Variants in RAF1 observed in about 807,000 individuals in gnomAD.
The protein encoded by RAF1 is Raf-1 proto-oncogene, serine/threonine kinase, also known as RAF proto-oncogene serine/threonine-protein kinase.
A neutral mutation model predicts 81.1 loss-of-function variants in RAF1; 27 were observed. The ratio of observed to expected loss-of-function variants is 0.33; its 90% CI spans 0.25 to 0.46. The LOEUF (loss-of-function observed/expected upper bound fraction) is 0.46, where lower values mean the gene tolerates loss of function less well. Among genes scored for constraint, RAF1 ranks in the 20% least tolerant of loss-of-function variants. RAF1 has a pLI of 1.00. For missense variants in RAF1, 598 were observed against 826.0 expected (o/e 0.72, Z 3.38); for synonymous variants, 298 against 294.0 (o/e 1.01, Z -0.14).
chr3:12,656,827 T>C (rs1011649876), intron 1 of RAF1, among the ~76,000 whole-genome samples: 3 of 152,032 alleles, frequency 2.0e-5, no homozygotes, highest in South Asian at 4.2e-4. Context: ...TGAAACCCCA[T>C]CTCTACTAAA....
intron 1 of RAF1, among the ~76,000 whole-genome samples, chr3:12,648,336 A>T (rs2060417807): frequency 6.6e-6 from 1 of 152,150 alleles, no homozygotes; most frequent in South Asian, 2.1e-4. Flanking sequence ...GAAGGGGGAA[A>T]AAAATCACCT....
At chr3:12,617,532 T>TA (rs1414935984) in intron 2 of RAF1, among the ~76,000 whole-genome samples, 1 of 152,118 alleles carries the variant, frequency 6.6e-6, no homozygotes, top group African/African-American at 2.4e-5. Flanking sequence ...GGATTACAGG[T>TA]ATAAATCACC....
At chr3:12,604,868 A>G (rs1440997489) in intron 6 of RAF1, among the ~76,000 whole-genome samples, 1 of 152,134 alleles carries the variant, frequency 6.6e-6, no homozygotes, top group East Asian at 1.9e-4. Context: ...ACCCCCACCA[A>G]CCAAACTGGG....
intron 5 of RAF1, among the ~76,000 whole-genome samples, chr3:12,606,891 A>C (rs769012105): frequency 2.0e-5 from 3 of 151,730 alleles, no homozygotes; most frequent in Non-Finnish European, 2.9e-5. Context: ...GGGTTTCACT[A>C]TGTTGGCCAG....
intron 11 of RAF1, among the ~76,000 whole-genome samples, chr3:12,594,696 G>A (rs1438849481): frequency 6.6e-6 from 1 of 152,122 alleles, no homozygotes; most frequent in Non-Finnish European, 1.5e-5. Context: ...CTGTTAAAAG[G>A]TGATCTTTTC....
chr3:12,609,309 G>C lies in RAF1; in HGVS notation c.347C>G (p.Thr116Ser), dbSNP rs1285131074. ...TTCTCCAATCAAAGACGCAGCATCAGTATTCCAATCTAAGCGTGCTTTTTT... is the reference window on the plus strand; with the variant it reads ...TTCTCCAATCAAAGACGCAGCATCACTATTCCAATCTAAGCGTGCTTTTTT... The change falls in exon 4 of 18, where the codon ACT (threonine) becomes AGT (serine). Residue 116 changes from threonine (T) to serine (S), a missense_variant. Physicochemically the swap from Thr to Ser is moderately conservative, Grantham distance 58. Coordinates refer to ENST00000442415, the MANE Select transcript of RAF1 (RefSeq NM_001354689.3). 1.2e-6 allele frequency: 2 copies of C among 1,613,076 alleles called. No homozygotes were observed. The highest frequency in any genetic ancestry group is 1.3e-5 in the African/African-American group (1 of 74,844).
At chr3:12,628,534 C>G (rs957938749) in intron 1 of RAF1, among the ~76,000 whole-genome samples, 3 of 152,100 alleles carry the variant, frequency 2.0e-5, no homozygotes, top group Admixed American at 6.6e-5. Flanking sequence ...TTTCCTACTT[C>G]ATGTAACTCA....
At chr3:12,604,496 T>C (rs1302246621) in intron 6 of RAF1, among the ~76,000 whole-genome samples, 1 of 152,196 alleles carries the variant, frequency 6.6e-6, no homozygotes, top group East Asian at 1.9e-4. Flanking sequence ...GAACAGGAAA[T>C]AATATATGTA....
rs528904935 is a variant in RAF1, at chr3:12,586,353, G to A, written c.1478-554C>T. ...TGACTTCAAAATGAGAACTGAAGTC[G>A]GCTCGCTTCTGGGTAAAGAAGTCAT... On this transcript the variant is annotated intron_variant, in intron 14 of 17. Transcript: ENST00000442415. 6.6e-5 allele frequency among the ~76,000 whole-genome samples: 10 copies of A among 152,234 alleles called. No individual in the cohort carries two copies. The South Asian group carries it at 1.5e-3, about 22-fold the overall frequency.
At chr3:12,619,469 C>T (rs2059484650) in intron 1 of RAF1, among the ~76,000 whole-genome samples, 1 of 150,682 alleles carries the variant, frequency 6.6e-6, no homozygotes, top group Admixed American at 6.7e-5. Context: ...GAGGCTGAGG[C>T]AGGAGAAATC....
At chr3:12,587,300 A>G (rs545161299) in intron 14 of RAF1, 15 of 482,224 alleles carry the variant, frequency 3.1e-5, no homozygotes, top group Non-Finnish European at 5.6e-5. Flanking sequence ...ATAGTGTGAT[A>G]AAATTATGCC....
intron 11 of RAF1, 76 bp from the exon 11 acceptor site, chr3:12,591,868 T>A: frequency 9.0e-7 from 1 of 1,106,702 alleles, no homozygotes; most frequent in South Asian, 1.3e-5. Flanking sequence ...TTGAGGAAGA[T>A]ACAGTGAATC....
rs147951645 is a variant in RAF1 at position 12,633,411 on chromosome 3, G to A, written c.-26-14664C>T. 1.4e-3 allele frequency among the ~76,000 whole-genome samples: 219 copies of A among 151,378 alleles called. 1 individual carries two copies. The highest frequency in any genetic ancestry group is 5.0e-3 in the African/African-American group (205 of 41,196). ...GAGGATCACTTGAGCTCAGGAGGTC[G>A]AGGCTGCCAAGAGCTGTGATTGTGT... On this transcript the variant is annotated intron_variant, in intron 1 of 17. Coordinates refer to ENST00000442415, the MANE Select transcript of RAF1 (RefSeq NM_001354689.3).
intron 3 of RAF1, among the ~76,000 whole-genome samples, chr3:12,610,120 T>TA: frequency 6.6e-6 from 1 of 152,336 alleles, no homozygotes; most frequent in African/African-American, 2.4e-5. Flanking sequence ...AAAAAATAGA[T>TA]ACATAAGTAA....
In RAF1 at chr3:12,614,021, T is replaced by A. The variant is rs74801151; in HGVS notation, c.208-1959A>T. ...TCCTTTGGAGTTTGTGATAGCCTCC[T>A]TAGCTACCGATGGTTTTTCCTCTCC... On this transcript the variant is annotated intron_variant, in intron 2 of 17. Transcript: ENST00000442415. Among the ~76,000 whole-genome samples, 276 of 152,306 alleles carry A rather than the reference T, an allele frequency of 1.8e-3. 1 individual carries two copies. Among genetic ancestry groups the A allele is most frequent in the African/African-American group, 6.5e-3 (271 of 41,578 alleles).
At chr3:12,629,355 T>C (rs1027375992) in intron 1 of RAF1, among the ~76,000 whole-genome samples, 2 of 152,148 alleles carry the variant, frequency 1.3e-5, no homozygotes, top group Admixed American at 1.3e-4. Context: ...TAAAACTCAC[T>C]AGGCAACAAG....
chr3:12,609,110 A>G, intron 4 of RAF1, 123 bp downstream of exon 4: 2 of 1,035,514 alleles, frequency 1.9e-6, no homozygotes. Flanking sequence ...TGTAAACAAC[A>G]GCATAAAGAA....
intron 11 of RAF1, among the ~76,000 whole-genome samples, chr3:12,595,254 T>G (rs2058650993): frequency 6.6e-6 from 1 of 152,178 alleles, no homozygotes; most frequent in Admixed American, 6.5e-5. Flanking sequence ...TAAAATTTTT[T>G]GTAGAGACAA....
At chr3:12,613,061 T>A (rs1240013023) in intron 2 of RAF1, among the ~76,000 whole-genome samples, 2 of 152,156 alleles carry the variant, frequency 1.3e-5, no homozygotes, top group Non-Finnish European at 2.9e-5. Context: ...TAAATATATG[T>A]GCACACCATA....
Sources: gnomAD v4.1 joint callset for allele counts (sites outside exome capture counted in the v4.1 genomes callset) on GRCh38, gnomAD v4.1.1 for gene constraint, MANE v1.5 for transcripts, NCBI Gene and HGNC (gene_info 2026-07-23, HGNC 2026-07-21) for gene names.